Variants in NT5C3A observed in about 807,000 individuals in gnomAD.
NT5C3A encodes the protein cytosolic 5'-nucleotidase 3A.
In NT5C3A, 23 loss-of-function variants were observed where a neutral mutation model predicts 40.0. The ratio of observed to expected loss-of-function variants is 0.58; its 90% CI spans 0.41 to 0.81. NT5C3A has a LOEUF of 0.81. Among genes scored for constraint, NT5C3A ranks in the 40% least tolerant of loss-of-function variants. NT5C3A has a pLI of 0.00. For missense variants in NT5C3A, 328 were observed against 403.0 expected (o/e 0.81, Z 1.59); for synonymous variants, 130 against 141.4 (o/e 0.92, Z 0.57).
intron 1 of NT5C3A, chr7:33,040,804 T>G (rs1230422021): frequency 1.2e-6 from 1 of 802,276 alleles, no homozygotes; most frequent in Non-Finnish European, 1.5e-6. Flanking sequence ...CAGTAAGTTA[T>G]AGAATCAAAT....
chr7:33,062,526 GGCCCCTCGCGTGCTCTGGGC>G (rs1787823461), intron 1 of NT5C3A, 22 bp downstream of exon 1: 1 of 1,566,036 alleles, frequency 6.4e-7, no homozygotes, highest in Non-Finnish European at 8.8e-7. Flanking sequence ...CGGCCCAGCC[GGCCCCTCGCGTGCTCTGGGC>G]GCGCCGAGCC....
Position 33,056,528 on chromosome 7 carries a change from C to T in NT5C3A, c.138+6040G>A, listed in dbSNP as rs376921036. On this transcript the variant is annotated intron_variant, in intron 1 of 8. Transcript: ENST00000610140. ...AAAAAAAAAAAAAATTTAACTTAGC[C>T]AGGTGTGGCGCCACATGCCTGTAGT... Among the ~76,000 whole-genome samples, 65 of 135,154 alleles carry T rather than the reference C, an allele frequency of 4.8e-4. 1 individual carries two copies. The Middle Eastern group carries it at 0.032, about 66-fold the overall frequency. 88.7% of individuals were successfully genotyped at this position (135,154 alleles called of 152,430 possible). A position where few individuals can be genotyped will look rare whatever the true frequency, so the allele number is the denominator to read the frequency against.
At chr7:33,017,797 C>T (rs959064834) in intron 6 of NT5C3A, among the ~76,000 whole-genome samples, 196 bp from the exon 7 acceptor site, 9 of 152,232 alleles carry the variant, frequency 5.9e-5, no homozygotes, top group Admixed American at 5.9e-4. Context: ...TCTTTACTTT[C>T]CCTTTAATCA....
chr7:33,021,777 C>A, intron 4 of NT5C3A: 1 of 455,620 alleles, frequency 2.2e-6, no homozygotes, highest in Non-Finnish European at 3.9e-6. Context: ...TTTAAATCTC[C>A]AGTTAACGTT....
chr7:33,016,606 G>A (rs1468317773), intron 7 of NT5C3A, among the ~76,000 whole-genome samples: 1 of 145,946 alleles, frequency 6.9e-6, no homozygotes, highest in African/African-American at 2.6e-5. Flanking sequence ...GGAGGTGGAG[G>A]TTGCTGTGAG....
rs897956853 is a variant in NT5C3A, at chr7:33,015,294, T to A, written c.894+376A>T. Among the ~76,000 whole-genome samples, 9 of 152,316 alleles carry A rather than the reference T, an allele frequency of 5.9e-5. No individual in the cohort carries two copies. In the South Asian group the frequency reaches 1.9e-3, roughly 32 times the overall value. ...GATCACAATATGTTTTGGCTGGGCATAGTGGCTCACGCCTGTTATCCCAAG... is the reference window on the plus strand; with the variant it reads ...GATCACAATATGTTTTGGCTGGGCAAAGTGGCTCACGCCTGTTATCCCAAG... On this transcript the variant is annotated intron_variant, in intron 8 of 8. Coordinates refer to ENST00000610140, the MANE Select transcript of NT5C3A (RefSeq NM_001002010.5).
At chr7:33,030,295 T>A (rs1786173838) in intron 1 of NT5C3A, among the ~76,000 whole-genome samples, 1 of 152,222 alleles carries the variant, frequency 6.6e-6, no homozygotes, top group Admixed American at 6.5e-5. Flanking sequence ...GTGGTTGTTG[T>A]TGAACATGCC....
At chr7:33,015,989 A>ATTT (rs1785302902) in intron 7 of NT5C3A, 119 bp from the exon 8 acceptor site, 1 of 726,318 alleles carries the variant, frequency 1.4e-6, no homozygotes, top group African/African-American at 1.8e-5. Flanking sequence ...TACATCTTTG[A>ATTT]TACTAGAGAT....
chr7:33,040,379 A>C (rs2128009489), intron 1 of NT5C3A, among the ~76,000 whole-genome samples: 1 of 152,310 alleles, frequency 6.6e-6, no homozygotes, highest in Admixed American at 6.5e-5. Flanking sequence ...TCAATTCATA[A>C]AACATACCAG....
At chr7:33,026,031 T>C (rs1241874396) in intron 2 of NT5C3A, among the ~76,000 whole-genome samples, 1 of 152,004 alleles carries the variant, frequency 6.6e-6, no homozygotes, top group Non-Finnish European at 1.5e-5. Flanking sequence ...ACTAAAAATA[T>C]AAAAATTAGC....
At chr7:33,031,107 C>CA (rs11407650) in intron 1 of NT5C3A, among the ~76,000 whole-genome samples, 97,450 of 131,808 alleles carry the variant, frequency 0.74, 35,552 homozygotes, top group African/African-American at 0.85. Flanking sequence ...CAAAAAAAAA[C>CA]AAAAAAAAAA....
Position 33,040,791 on chromosome 7 carries a change from T to C in NT5C3A, c.139-13876A>G, listed in dbSNP as rs1786875474. ...AGTTTGTATTTCAAAATGCCCAAAA[T>C]TTCAGTAAGTTATAGAATCAAATAA... On this transcript the variant is annotated intron_variant, in intron 1 of 8. Transcript: ENST00000610140. The C allele has an allele frequency of 5.6e-5, 41 of 733,292 alleles. No homozygotes were observed. In the South Asian group the frequency reaches 2.2e-3, roughly 40 times the overall value. The allele number at this position is 733,292 out of a possible 1,614,324, so 45.4% of individuals were successfully genotyped here. A position where few individuals can be genotyped will look rare whatever the true frequency, so the allele number is the denominator to read the frequency against.
intron 1 of NT5C3A, among the ~76,000 whole-genome samples, chr7:33,042,820 A>G (rs1224516484): frequency 3.3e-5 from 5 of 152,240 alleles, no homozygotes; most frequent in African/African-American, 9.6e-5. Context: ...CAGGACGTAT[A>G]CTGCAAATTT....
At chr7:33,021,162 T>C in intron 5 of NT5C3A, 110 bp downstream of exon 5, 1 of 1,423,914 alleles carries the variant, frequency 7.0e-7, no homozygotes, top group Non-Finnish European at 9.6e-7. Context: ...ACTTGCATAA[T>C]TTATTAATCT....
chr7:33,053,823 T>G (rs977518804), intron 1 of NT5C3A, among the ~76,000 whole-genome samples: 3 of 152,118 alleles, frequency 2.0e-5, no homozygotes, highest in African/African-American at 7.2e-5. Flanking sequence ...AAAAAAATTG[T>G]AAAGCTAAAA....
chr7:33,041,239 G>T, intron 1 of NT5C3A: 1 of 562,646 alleles, frequency 1.8e-6, no homozygotes, highest in Non-Finnish European at 2.3e-6. Context: ...GTGTACTTCT[G>T]ATATGTGAAC....
chr7:33,045,357 T>C (rs1474322760), intron 1 of NT5C3A, among the ~76,000 whole-genome samples: 1 of 152,180 alleles, frequency 6.6e-6, no homozygotes, highest in African/African-American at 2.4e-5. Flanking sequence ...TGAAACAAGG[T>C]ACTATAAATG....
At chr7:33,062,219 G>A (rs968979544) in intron 1 of NT5C3A, among the ~76,000 whole-genome samples, 1 of 152,160 alleles carries the variant, frequency 6.6e-6, no homozygotes, top group Non-Finnish European at 1.5e-5. Flanking sequence ...ACCTGCCCAG[G>A]ACATGCAGCT....
chr7:33,061,896 T>C (rs1390482203), intron 1 of NT5C3A, among the ~76,000 whole-genome samples: 1 of 152,222 alleles, frequency 6.6e-6, no homozygotes, highest in African/African-American at 2.4e-5. Flanking sequence ...AAGGGAATTC[T>C]TGAGACACCC....
Sources: allele counts gnomAD v4.1 joint callset (sites outside exome capture counted in the v4.1 genomes callset), GRCh38; gene constraint gnomAD v4.1.1; transcripts MANE v1.5; gene names NCBI Gene and HGNC (gene_info 2026-07-23, HGNC 2026-07-21).